ASAP2: variants seen among roughly 807,000 people sequenced by gnomAD.
The protein encoded by ASAP2 is ArfGAP with SH3 domain, ankyrin repeat and PH domain 2.
In ASAP2, 45 loss-of-function variants were observed where a neutral mutation model predicts 131.4. That is an observed-to-expected ratio of 0.34 (90% confidence interval 0.27 to 0.44). The LOEUF (loss-of-function observed/expected upper bound fraction) is 0.44. ASAP2 is among the 20% of genes least tolerant of loss of function. The pLI, the probability that ASAP2 is intolerant of heterozygous loss-of-function variation, is 1.00. For missense variants in ASAP2, 1,011 were observed against 1,297.0 expected (o/e 0.78, Z 3.39); for synonymous variants, 510 against 503.0 (o/e 1.01, Z -0.19).
In ASAP2 at chr2:9,297,457, T is replaced by G. The variant is rs759476220; in HGVS notation, c.345+12T>G. ...TTTTCAAAAACCTGGTAAGCAGCTC[T>G]GTGTATGAAATGCTGCGGTTACTTC... On this transcript the variant is annotated intron_variant, in intron 3 of 27. Transcript: ENST00000281419. 25 of 1,613,922 alleles carry G rather than the reference T, an allele frequency of 1.5e-5. No individual in the cohort carries two copies. In the South Asian group the frequency reaches 2.7e-4, roughly 18 times the overall value.
At chr2:9,307,678 G>A (rs1364026292) in intron 3 of ASAP2, among the ~76,000 whole-genome samples, 1 of 152,210 alleles carries the variant, frequency 6.6e-6, no homozygotes, top group African/African-American at 2.4e-5. Context: ...AAAGATCAGA[G>A]CTGTTGACTG....
chr2:9,353,064 C>T (rs1005356531), intron 12 of ASAP2, among the ~76,000 whole-genome samples: 2 of 152,042 alleles, frequency 1.3e-5, no homozygotes, highest in Admixed American at 1.3e-4. Context: ...GGCCAGATAC[C>T]CCAGAGAGTC....
intron 1 of ASAP2, among the ~76,000 whole-genome samples, chr2:9,237,503 C>CA (rs1416539715): frequency 6.6e-6 from 1 of 151,714 alleles, no homozygotes; most frequent in African/African-American, 2.4e-5. Flanking sequence ...CCTCGACCTC[C>CA]TAGGCTCCAG....
intron 3 of ASAP2, among the ~76,000 whole-genome samples, chr2:9,317,470 T>C (rs1669817739): frequency 2.1e-5 from 3 of 139,880 alleles, no homozygotes; most frequent in Admixed American, 1.4e-4. Context: ...ATTCACCTTA[T>C]ACTCAGTCAC....
At position 9,207,316 on chromosome 2, in the gene ASAP2, A is replaced by C. The variant is rs970455183; in HGVS notation, c.126+86A>C. The stretch of plus-strand genomic sequence containing the variant: ...GCTCCCGCATCCGCATCCCGAGAAA[A>C]CTTTCTTTGCTCCGAAGCCGGACGC... On this transcript the variant is annotated intron_variant, in intron 1 of 27. Transcript: ENST00000281419. The surrounding 1 kb of genome is among the most constrained non-coding windows in gnomAD (Gnocchi z 4.1). The C allele has an allele frequency of 7.0e-7, 1 of 1,426,396 alleles. No homozygotes were observed. Among genetic ancestry groups the C allele is most frequent in the Non-Finnish European group, 9.2e-7 (1 of 1,090,052 alleles). 88.4% of individuals were successfully genotyped at this position (1,426,396 alleles called of 1,614,324 possible).
chr2:9,391,452 G>A (rs1675713256), intron 23 of ASAP2, among the ~76,000 whole-genome samples: 1 of 152,068 alleles, frequency 6.6e-6, no homozygotes, highest in Admixed American at 6.6e-5. Flanking sequence ...AAGCATTTCA[G>A]CAACATTTCC....
At chr2:9,291,525 C>T (rs750288352) in intron 2 of ASAP2, among the ~76,000 whole-genome samples, 34 of 152,178 alleles carry the variant, frequency 2.2e-4, no homozygotes, top group Admixed American at 6.5e-5. Context: ...GAGTTGTGCA[C>T]AACATCACAA....
chr2:9,211,413 G>A (rs541807112), intron 1 of ASAP2, among the ~76,000 whole-genome samples: 8 of 151,678 alleles, frequency 5.3e-5, no homozygotes, highest in African/African-American at 1.7e-4. Flanking sequence ...GTTTCTTCGA[G>A]CCTCTGGGCA....
At chr2:9,239,058 G>A (rs897284378) in intron 1 of ASAP2, among the ~76,000 whole-genome samples, 1 of 152,152 alleles carries the variant, frequency 6.6e-6, no homozygotes, top group Non-Finnish European at 1.5e-5. Context: ...AGCAGCAAGC[G>A]CTTTGTAGCT....
intron 15 of ASAP2, among the ~76,000 whole-genome samples, chr2:9,367,133 C>T (rs1673541933): frequency 6.6e-6 from 1 of 150,736 alleles, no homozygotes; most frequent in Non-Finnish European, 1.5e-5. Context: ...TGGATTCAAG[C>T]AATTCTCCTG....
intron 1 of ASAP2, among the ~76,000 whole-genome samples, chr2:9,276,525 G>A (rs1666769546): frequency 6.6e-6 from 1 of 152,034 alleles, no homozygotes; most frequent in African/African-American, 2.4e-5. Context: ...GCCTTCCTGT[G>A]TCATCTTTTT....
Position 9,207,339 on chromosome 2 carries a change from C to T in ASAP2, c.126+109C>T. 4.3e-6 allele frequency: 6 copies of T among 1,381,800 alleles called. No homozygotes were observed. Among genetic ancestry groups the T allele is most frequent in the Non-Finnish European group, 4.7e-6 (5 of 1,058,654 alleles). 85.6% of individuals were successfully genotyped at this position (1,381,800 alleles called of 1,614,324 possible). A position where few individuals can be genotyped will look rare whatever the true frequency, so the allele number is the denominator to read the frequency against. Reference sequence around the variant, plus strand: ...AAACTTTCTTTGCTCCGAAGCCGGACGCGGCCGGGCCAACCCTGCCCGAGA... The same window carrying T: ...AAACTTTCTTTGCTCCGAAGCCGGATGCGGCCGGGCCAACCCTGCCCGAGA... On this transcript the variant is annotated intron_variant, in intron 1 of 27. Coordinates refer to ENST00000281419, the MANE Select transcript of ASAP2 (RefSeq NM_003887.3). The surrounding 1 kb of genome is among the most constrained non-coding windows in gnomAD (Gnocchi z 4.1).
chr2:9,372,560 A>G (rs1674061340), intron 16 of ASAP2, among the ~76,000 whole-genome samples: 2 of 152,180 alleles, frequency 1.3e-5, no homozygotes, highest in South Asian at 4.1e-4. Context: ...AACATCACCA[A>G]ACTTTTGAAT....
At chr2:9,248,107 C>T (rs559399216) in intron 1 of ASAP2, among the ~76,000 whole-genome samples, 6 of 152,104 alleles carry the variant, frequency 3.9e-5, no homozygotes, top group Non-Finnish European at 8.8e-5. Context: ...GGAAGGGGGG[C>T]GGCTGACAGC....
At chr2:9,266,023 C>G (rs1252254672) in intron 1 of ASAP2, among the ~76,000 whole-genome samples, 1 of 152,188 alleles carries the variant, frequency 6.6e-6, no homozygotes, top group African/African-American at 2.4e-5. Flanking sequence ...ATCCACCCCC[C>G]CACCCCCTGC....
rs546309854 is a variant in ASAP2, at chr2:9,404,623, G to A, written c.*1296G>A. The A allele has an allele frequency of 3.9e-5, 6 of 152,662 alleles. No homozygotes were observed. In the East Asian group the frequency reaches 1.2e-3, roughly 29 times the overall value. The allele number at this position is 152,662 out of a possible 1,614,324, so 9.5% of individuals were successfully genotyped here. On this transcript the variant is annotated 3_prime_UTR_variant, in exon 28 of 28. Transcript: ENST00000281419. ...CACTTGGACTTTTAACAAAAGTAAA[G>A]GAATAAATTTGCATATAGGCTTGGA...
chr2:9,397,689 T>C lies in ASAP2; in HGVS notation c.2685-2334T>C, dbSNP rs112701611. On this transcript the variant is annotated intron_variant, in intron 24 of 27. Transcript: ENST00000281419. ...CATGAGCTAAGAACTAAGAATGGCT[T>C]TTATATTTGTAATTGGTTGGGAAAA... is the stretch of plus-strand genomic sequence containing the variant. Among the ~76,000 whole-genome samples, 144 of 147,346 alleles carry C rather than the reference T, an allele frequency of 9.8e-4. 1 individual carries two copies. Among genetic ancestry groups the C allele is most frequent in the African/African-American group, 3.4e-3 (131 of 38,772 alleles).
chr2:9,385,257 T>G lies in ASAP2; in HGVS notation c.2029T>G (p.Leu677Val). ...EHCEELLTQA[L>V]SGRFNSHVHV... is the part of the protein sequence containing the mutation. ...TCTGTTCTCTCAGCTGACCCAAGCC[T>G]TATCTGGAAGATTTAATTCTCACGT... The change falls in exon 21 of 28, where the codon TTA becomes GTA. Residue 677 changes from leucine (L) to valine (V), a missense_variant. By Grantham distance (32) the Leu-to-Val change is conservative (BLOSUM62 1). This residue lies in a region of ASAP2 where 652 missense variants were observed against 698.9 expected (regional missense o/e 0.93). Coordinates refer to ENST00000281419, the MANE Select transcript of ASAP2 (RefSeq NM_003887.3). 1 of 1,613,882 alleles carries G rather than the reference T, an allele frequency of 6.2e-7. No homozygotes were observed. The highest frequency in any genetic ancestry group is 8.5e-7 in the Non-Finnish European group (1 of 1,179,716).
At chr2:9,400,953 C>G in intron 26 of ASAP2, 123 bp downstream of exon 26, 1 of 1,030,874 alleles carries the variant, frequency 9.7e-7, no homozygotes, top group Non-Finnish European at 1.4e-6. Flanking sequence ...CGGGGCTCTT[C>G]TTGGTACCTG....
Sources: allele counts gnomAD v4.1 joint callset (sites outside exome capture counted in the v4.1 genomes callset), GRCh38; gene constraint gnomAD v4.1.1; regional missense constraint gnomAD v4.1.1; non-coding constraint Gnocchi (gnomAD v3.1); transcripts MANE v1.5; gene names NCBI Gene and HGNC (gene_info 2026-07-23, HGNC 2026-07-21).